PCDHAC2: variants seen among roughly 807,000 people sequenced by gnomAD.
PCDHAC2 encodes the protein protocadherin alpha-C2.
PCDHAC2 carries 24 observed loss-of-function variants against 63.3 expected under a neutral mutation model. The observed-to-expected ratio is 0.38, with a 90% confidence interval of 0.27 to 0.53. PCDHAC2 has a LOEUF of 0.53. PCDHAC2 is among the 20% of genes least tolerant of loss of function. The pLI is 0.81. For synonymous variants in PCDHAC2, 569 were observed against 529.4 expected, an observed-to-expected ratio of 1.07 and a Z score of -1.03; for missense variants, 1,181 against 1,275.2, an observed-to-expected ratio of 0.93 and a Z score of 1.12.
In PCDHAC2 at chr5:140,968,257, T is replaced by A. The variant is rs781932747; in HGVS notation, c.1491T>A (p.Asp497Glu). The change falls in exon 1 of 4, where the codon GAT becomes GAA. Residue 497 changes from aspartate to glutamate, a missense_variant. Coordinates refer to ENST00000289269, the MANE Select transcript of PCDHAC2 (RefSeq NM_018899.6). ...LLCTVQATDP[D>E]EKENAEVTYS... is the part of the protein sequence containing the mutation. ...GTACTGTGCAAGCCACAGACCCAGA[T>A]GAAAAGGAGAATGCAGAGGTGACCT... is the stretch of plus-strand genomic sequence containing the variant. 1 of 1,614,064 alleles carries A rather than the reference T, an allele frequency of 6.2e-7. No homozygotes were observed. Among genetic ancestry groups the A allele is most frequent in the Non-Finnish European group, 8.5e-7 (1 of 1,179,984 alleles).
chr5:140,997,409 A>G (rs1378198322), intron 3 of PCDHAC2, among the ~76,000 whole-genome samples: 2 of 152,180 alleles, frequency 1.3e-5, no homozygotes, highest in Non-Finnish European at 1.5e-5. Flanking sequence ...CGTATGGCCT[A>G]TTTCTCCTAG....
Position 140,994,911 on chromosome 5 carries a change from A to G in PCDHAC2, c.2713+12348A>G, listed in dbSNP as rs527704488. Among the ~76,000 whole-genome samples, 14 of 152,340 alleles carry G rather than the reference A, an allele frequency of 9.2e-5. No homozygotes were observed. The East Asian group carries it at 1.7e-3, about 19-fold the overall frequency. On this transcript the variant is annotated intron_variant, in intron 3 of 3. Transcript: ENST00000289269. ...AAATGAGATCAGAAATGTAGACTGGAATCAGATTTTGTAGGACCTTAAACA... is the reference window on the plus strand; with the variant it reads ...AAATGAGATCAGAAATGTAGACTGGGATCAGATTTTGTAGGACCTTAAACA...
At position 140,967,976 on chromosome 5, in the gene PCDHAC2, C is replaced by G; in HGVS notation, c.1210C>G (p.Leu404Val). 8.7e-6 allele frequency: 14 copies of G among 1,614,222 alleles called. No individual in the cohort carries two copies. The highest frequency in any genetic ancestry group is 1.2e-5 in the Non-Finnish European group (14 of 1,180,046). Residue 404 changes from leucine (L) to valine (V), a missense_variant, in exon 1 of 4, where the codon CTG (leucine) becomes GTG (valine). By Grantham distance (32) the Leu-to-Val change is conservative (BLOSUM62 1). Coordinates refer to ENST00000289269, the MANE Select transcript of PCDHAC2 (RefSeq NM_018899.6). ...CCCCAACCGGAAAGTGAGCCTGGGT[C>G]TGGAGGCCACACTGCCTTTCCGACT... is the stretch of plus-strand genomic sequence containing the variant. ...SGPNRKVSLG[L>V]EATLPFRLNG...
Position 141,009,469 on chromosome 5 carries a change from A to G in PCDHAC2, c.2714-158A>G, listed in dbSNP as rs1440766583. On this transcript the variant is annotated intron_variant, in intron 3 of 3. Transcript: ENST00000289269. Reference sequence around the variant, plus strand: ...AAAAAAATTAAACAAATAAATAAATAAGTAAACACTTGCCTTGCCCTCAGA... The same window carrying G: ...AAAAAAATTAAACAAATAAATAAATGAGTAAACACTTGCCTTGCCCTCAGA... 6 of 956,242 alleles carry G rather than the reference A, an allele frequency of 6.3e-6. No homozygotes were observed. The African/African-American group carries it at 7.1e-5, about 11-fold the overall frequency. 59.2% of individuals were successfully genotyped at this position (956,242 alleles called of 1,614,324 possible). A position where few individuals can be genotyped will look rare whatever the true frequency, so the allele number is the denominator to read the frequency against.
chr5:140,991,748 T>C (rs1192231997), intron 3 of PCDHAC2, among the ~76,000 whole-genome samples: 4 of 152,224 alleles, frequency 2.6e-5, no homozygotes, highest in Non-Finnish European at 4.4e-5. Flanking sequence ...AGGCTCTTTC[T>C]ATCATGCTCT....
intron 3 of PCDHAC2, among the ~76,000 whole-genome samples, chr5:140,997,614 A>G (rs1355709943): frequency 6.6e-6 from 1 of 152,148 alleles, no homozygotes; most frequent in Admixed American, 6.6e-5. Context: ...GCATGACTAT[A>G]TAGAGATTTT....
intron 3 of PCDHAC2, among the ~76,000 whole-genome samples, chr5:140,986,030 C>T (rs1190318789): frequency 2.6e-5 from 4 of 152,174 alleles, no homozygotes; most frequent in Non-Finnish European, 2.9e-5. Flanking sequence ...TGAGCCACTG[C>T]GCCTGGCCTC....
rs2153771249 is a variant in PCDHAC2, at chr5:140,968,467, A to G, written c.1701A>G (p.Val567=). 6.2e-7 allele frequency: 1 copy of G among 1,614,124 alleles called. No individual in the cohort carries two copies. The highest frequency in any genetic ancestry group is 8.5e-7 in the Non-Finnish European group (1 of 1,180,022). Residue 567 remains valine (V), a synonymous_variant, in exon 1 of 4, where the codon GTA becomes GTG. Transcript: ENST00000289269. ...PPLSSTVTAN[V]YVVDMNDHAP... ...TGAGCAGCACTGTGACTGCCAACGT[A>G]TATGTGGTGGACATGAATGACCATG... is the stretch of plus-strand genomic sequence containing the variant.
intron 1 of PCDHAC2, among the ~76,000 whole-genome samples, chr5:140,970,399 G>A (rs2096402631): frequency 6.6e-6 from 1 of 152,172 alleles, no homozygotes; most frequent in Non-Finnish European, 1.5e-5. Flanking sequence ...AAAGTGGATG[G>A]CTTACCCTAC....
chr5:140,980,635 A>AT (rs1224584187), intron 2 of PCDHAC2, among the ~76,000 whole-genome samples: 1 of 152,232 alleles, frequency 6.6e-6, no homozygotes, highest in Non-Finnish European at 1.5e-5. Context: ...TCTCAGAAGA[A>AT]TAAATAAATG....
At chr5:141,000,768 A>G (rs1434125702) in intron 3 of PCDHAC2, among the ~76,000 whole-genome samples, 43 of 151,864 alleles carry the variant, frequency 2.8e-4, no homozygotes, top group African/African-American at 4.8e-5. Context: ...TTAGCCAGGC[A>G]TAGTGGCGCA....
intron 3 of PCDHAC2, among the ~76,000 whole-genome samples, chr5:140,990,165 G>A (rs2097378132): frequency 6.6e-6 from 1 of 152,126 alleles, no homozygotes; most frequent in African/African-American, 2.4e-5. Flanking sequence ...GTTAGGGTAT[G>A]AAAAGGTGAC....
chr5:141,009,874 G>A lies in PCDHAC2; in HGVS notation c.2961G>A (p.Lys987=), dbSNP rs1554262519. The A allele has an allele frequency of 6.2e-7, 1 of 1,613,836 alleles. No individual in the cohort carries two copies. Among genetic ancestry groups the A allele is most frequent in the African/African-American group, 1.3e-5 (1 of 74,824 alleles). ...CCAAGAAAAAGAAGAAAAAGAAGAA[G>A]GGTAACAAGACCCAGGAGAAAAAAG... ...EETKKKKKKK[K]GNKTQEKKEK... is the part of the protein sequence containing the mutation. Residue 987 remains lysine, a synonymous_variant, in exon 4 of 4, where the codon AAG becomes AAA. Transcript: ENST00000289269.
chr5:140,970,157 C>T (rs2096386547), intron 1 of PCDHAC2, among the ~76,000 whole-genome samples: 2 of 152,176 alleles, frequency 1.3e-5, no homozygotes, highest in African/African-American at 4.8e-5. Context: ...TCCCAATAGT[C>T]ACCTTTCTTG....
intron 3 of PCDHAC2, among the ~76,000 whole-genome samples, chr5:141,000,421 A>ATTTTTTTTTTT (rs34755515): frequency 3.6e-5 from 1 of 27,968 alleles, no homozygotes; most frequent in Non-Finnish European, 5.7e-5. Context: ...ATATATATAT[A>ATTTTTTTTTTT]TTTTTTTTTT....
intron 3 of PCDHAC2, among the ~76,000 whole-genome samples, chr5:140,999,223 G>A (rs1554256702): frequency 3.3e-5 from 5 of 152,316 alleles, no homozygotes; most frequent in African/African-American, 1.2e-4. Flanking sequence ...TACTACATTT[G>A]AGAATAGGTG....
In PCDHAC2 at chr5:140,982,572, C is replaced by T; in HGVS notation, c.2713+9C>T. On this transcript the variant is annotated intron_variant, in intron 3 of 3. Coordinates refer to ENST00000289269, the MANE Select transcript of PCDHAC2 (RefSeq NM_018899.6). ...ATCCAGTGCAACACCAGGTAAAGAG[C>T]TGGGGTCTCTCCATTCTTTCTTGGT... is the stretch of plus-strand genomic sequence containing the variant. 4 of 1,613,760 alleles carry T rather than the reference C, an allele frequency of 2.5e-6. No homozygotes were observed. Among genetic ancestry groups the T allele is most frequent in the Non-Finnish European group, 3.4e-6 (4 of 1,179,726 alleles).
intron 3 of PCDHAC2, among the ~76,000 whole-genome samples, chr5:141,000,931 T>G (rs1422337935): frequency 1.3e-5 from 2 of 152,188 alleles, no homozygotes; most frequent in African/African-American, 4.8e-5. Flanking sequence ...CCTGTGTGAT[T>G]TAGGACAAAT....
chr5:140,999,056 C>T (rs1256829495), intron 3 of PCDHAC2, among the ~76,000 whole-genome samples: 4 of 152,212 alleles, frequency 2.6e-5, no homozygotes, highest in Non-Finnish European at 5.9e-5. Context: ...TCCACCATGC[C>T]TAAGTAGTCT....
Sources: allele counts gnomAD v4.1 joint callset (sites outside exome capture counted in the v4.1 genomes callset), GRCh38; gene constraint gnomAD v4.1.1; transcripts MANE v1.5; gene names NCBI Gene and HGNC (gene_info 2026-07-23, HGNC 2026-07-21).